The following SNX13 variants were observed in gnomAD, a reference collection of about 807,000 sequenced individuals.
SNX13 encodes sorting nexin-13.
A neutral mutation model predicts 133.6 loss-of-function variants in SNX13; 45 were observed. That is an observed-to-expected ratio of 0.34 (90% confidence interval 0.27 to 0.43). The LOEUF (loss-of-function observed/expected upper bound fraction) is 0.43. SNX13 is among the 20% of genes least tolerant of loss of function. The pLI, the probability that SNX13 is intolerant of heterozygous loss-of-function variation, is 1.00. For missense variants in SNX13, 1,032 were observed against 1,145.1 expected (o/e 0.90, Z 1.43); for synonymous variants, 414 against 373.9 (o/e 1.11, Z -1.24).
intron 1 of SNX13, among the ~76,000 whole-genome samples, chr7:17,930,956 C>T (rs192971510): frequency 3.9e-5 from 6 of 152,216 alleles, no homozygotes; most frequent in Admixed American, 1.3e-4. Context: ...AGTTTCATCC[C>T]GAAACCATTC....
intron 1 of SNX13, among the ~76,000 whole-genome samples, chr7:17,930,326 A>C (rs1008276386): frequency 3.3e-5 from 5 of 152,192 alleles, no homozygotes; most frequent in African/African-American, 1.2e-4. Context: ...CTTAGATTCA[A>C]ATCCAAATAA....
At chr7:17,897,919 A>C (rs919447049) in intron 1 of SNX13, 6 of 122,612 alleles carry the variant, frequency 4.9e-5, no homozygotes, top group Admixed American at 3.3e-4. Context: ...TAGAAATTTA[A>C]ATTTCAAGGT....
intron 24 of SNX13, among the ~76,000 whole-genome samples, chr7:17,798,101 T>C (rs1784248412): frequency 6.6e-6 from 1 of 151,870 alleles, no homozygotes; most frequent in African/African-American, 2.4e-5. Flanking sequence ...TTATCTTCAC[T>C]TTCAGAAAAG....
chr7:17,892,152 T>C (rs1796694690), intron 3 of SNX13, among the ~76,000 whole-genome samples: 1 of 151,524 alleles, frequency 6.6e-6, no homozygotes, highest in Non-Finnish European at 1.5e-5. Context: ...TGGGAGATTC[T>C]TAAAAAAACA....
chr7:17,871,845 C>G (rs957514878), intron 8 of SNX13, among the ~76,000 whole-genome samples: 6 of 152,068 alleles, frequency 3.9e-5, no homozygotes, highest in African/African-American at 1.4e-4. Context: ...CTTGACATTG[C>G]TTGGCATGAA....
At chr7:17,840,679 C>T (rs1237649738) in intron 12 of SNX13, among the ~76,000 whole-genome samples, 1 of 151,992 alleles carries the variant, frequency 6.6e-6, no homozygotes, top group African/African-American at 2.4e-5. Context: ...AAAGCTCTAC[C>T]TCCATGGTTT....
intron 7 of SNX13, 137 bp from the exon 8 acceptor site, chr7:17,873,753 C>G (rs1389153777): frequency 1.3e-5 from 5 of 387,584 alleles, no homozygotes; most frequent in Non-Finnish European, 2.3e-5. Flanking sequence ...AATTAGTACA[C>G]ATCAGTATTC....
At chr7:17,855,259 A>G (rs113211738) in intron 9 of SNX13, among the ~76,000 whole-genome samples, 1 of 152,242 alleles carries the variant, frequency 6.6e-6, no homozygotes, top group African/African-American at 2.4e-5. Context: ...AGCTGTCTCC[A>G]TAACACAGAA....
intron 8 of SNX13, among the ~76,000 whole-genome samples, chr7:17,871,822 AG>A (rs1372485361): frequency 6.6e-6 from 1 of 152,152 alleles, no homozygotes; most frequent in African/African-American, 2.4e-5. Context: ...CTTACTGTCC[AG>A]TTCTGGTTTT....
At chr7:17,803,999 GTGAGCCGTGATCA>G (rs1422189309) in intron 20 of SNX13, among the ~76,000 whole-genome samples, 4 of 151,812 alleles carry the variant, frequency 2.6e-5, no homozygotes, top group African/African-American at 7.3e-5. Flanking sequence ...CAAGGCTGCA[GTGAGCCGTGATCA>G]TGTCACTGCA....
intron 16 of SNX13, among the ~76,000 whole-genome samples, chr7:17,827,250 C>G (rs1006281366): frequency 2.0e-5 from 3 of 151,950 alleles, no homozygotes; most frequent in Non-Finnish European, 4.4e-5. Context: ...AATCACTGAG[C>G]CTGGGAGTGG....
At chr7:17,815,827 A>C (rs1039042823) in intron 19 of SNX13, among the ~76,000 whole-genome samples, 2 of 152,188 alleles carry the variant, frequency 1.3e-5, no homozygotes, top group Admixed American at 6.5e-5. Context: ...ATTTGGGAAA[A>C]GGTGGTTTTT....
At chr7:17,837,628 A>C (rs1193578014) in intron 13 of SNX13, among the ~76,000 whole-genome samples, 1 of 151,990 alleles carries the variant, frequency 6.6e-6, no homozygotes, top group Non-Finnish European at 1.5e-5. Flanking sequence ...TAAATTCATC[A>C]TATAGGCTAT....
intron 1 of SNX13, among the ~76,000 whole-genome samples, chr7:17,901,677 A>C (rs1016675573): frequency 1.3e-5 from 2 of 152,190 alleles, no homozygotes; most frequent in Admixed American, 1.3e-4. Context: ...AGCTTCTGCC[A>C]GGGGATGAGG....
At chr7:17,841,479 A>G (rs547657352) in intron 12 of SNX13, among the ~76,000 whole-genome samples, 1 of 151,994 alleles carries the variant, frequency 6.6e-6, no homozygotes, top group Non-Finnish European at 1.5e-5. Flanking sequence ...AACAATAAAG[A>G]ACAGCAAACC....
chr7:17,809,062 A>G (rs758288919), intron 20 of SNX13, among the ~76,000 whole-genome samples: 1 of 152,114 alleles, frequency 6.6e-6, no homozygotes, highest in African/African-American at 2.4e-5. Flanking sequence ...CGAGCAAAAT[A>G]ACCAGCTAAC....
rs914436413 is a variant in SNX13, at chr7:17,825,907, C to T, written c.1705+115G>A. ...AGGACATGCTGCAGAAAAAAAGTAA[C>T]AAAACTATGACTAGAGAACAAAAAA... On this transcript the variant is annotated intron_variant, in intron 17 of 25. Transcript: ENST00000428135. 3 of 648,014 alleles carry T rather than the reference C, an allele frequency of 4.6e-6. No homozygotes were observed. In the African/African-American group the frequency reaches 5.5e-5, roughly 12 times the overall value. 40.1% of individuals were successfully genotyped at this position (648,014 alleles called of 1,614,324 possible).
chr7:17,845,712 T>C lies in SNX13; in HGVS notation c.1066-18A>G. The stretch of plus-strand genomic sequence containing the variant: ...TTTATTTCCTACAGGCAAAAGTGAA[T>C]ATAAGTTAATATTTTATCTAATCAT... On this transcript the variant is annotated intron_variant, in intron 11 of 25. Coordinates refer to ENST00000428135, the MANE Select transcript of SNX13 (RefSeq NM_015132.5). 6.9e-7 allele frequency: 1 copy of C among 1,459,694 alleles called. No homozygotes were observed. The highest frequency in any genetic ancestry group is 9.3e-7 in the Non-Finnish European group (1 of 1,070,102). 90.4% of individuals were successfully genotyped at this position (1,459,694 alleles called of 1,614,324 possible).
intron 2 of SNX13, among the ~76,000 whole-genome samples, chr7:17,896,913 TA>T (rs1469677160): frequency 6.6e-6 from 1 of 152,102 alleles, no homozygotes; most frequent in Non-Finnish European, 1.5e-5. Flanking sequence ...CAACATTCAT[TA>T]AAGGAAAAAA....
Sources: allele counts gnomAD v4.1 joint callset (sites outside exome capture counted in the v4.1 genomes callset), GRCh38; gene constraint gnomAD v4.1.1; transcripts MANE v1.5; gene names NCBI Gene and HGNC (gene_info 2026-07-23, HGNC 2026-07-21).